The following ARHGEF7 variants were observed in gnomAD, a reference collection of about 807,000 sequenced individuals.
ARHGEF7 encodes the protein Rho guanine nucleotide exchange factor 7, also known as PAK-interacting exchange factor beta.
ARHGEF7 carries 33 observed loss-of-function variants against 109.8 expected under a neutral mutation model. The ratio of observed to expected loss-of-function variants is 0.30; its 90% confidence interval spans 0.23 to 0.40. ARHGEF7 has a LOEUF of 0.40. ARHGEF7 is among the 10% of genes least tolerant of loss of function. The pLI, the probability that ARHGEF7 is intolerant of heterozygous loss-of-function variation, is 1.00. For synonymous variants in ARHGEF7, 458 were observed against 424.6 expected (o/e 1.08, Z -0.97); for missense variants, 938 against 1,098.5 (o/e 0.85, Z 2.07).
Position 111,300,862 on chromosome 13 carries a change from G to C in ARHGEF7, c.2411+15G>C, listed in dbSNP as rs567439882. The C allele has an allele frequency of 1.3e-6, 2 of 1,546,292 alleles. No individual in the cohort carries two copies. Among genetic ancestry groups the C allele is most frequent in the Admixed American group, 3.4e-5 (2 of 58,100 alleles). On this transcript the variant is annotated intron_variant, in intron 20 of 21. Transcript: ENST00000646102. ...ATAGAAGAAAAGTAAGATGTCTTCC[G>C]GTATTCTAAAGCAGATGTTTGACCT...
chr13:111,251,940 C>CT (rs377311988), intron 8 of ARHGEF7, among the ~76,000 whole-genome samples: 2 of 152,182 alleles, frequency 1.3e-5, no homozygotes, highest in East Asian at 3.8e-4. Context: ...GCTTATATGA[C>CT]TTTTTCCAAG....
chr13:111,241,413 T>G, intron 6 of ARHGEF7: 1 of 1,473,560 alleles, frequency 6.8e-7, no homozygotes. Context: ...GCACCCCAGC[T>G]GGAGTCAGGG....
chr13:111,121,092 CAG>C (rs1356093887), intron 1 of ARHGEF7, among the ~76,000 whole-genome samples: 1 of 152,166 alleles, frequency 6.6e-6, no homozygotes, highest in Non-Finnish European at 1.5e-5. Flanking sequence ...TCACCGGCCA[CAG>C]GGGCAGAGTG....
intron 2 of ARHGEF7, chr13:111,159,216 C>T (rs2076566900): frequency 3.2e-6 from 2 of 621,306 alleles, no homozygotes; most frequent in Admixed American, 2.7e-5. Flanking sequence ...AACAGGATTT[C>T]CTTTTTTTAA....
chr13:111,211,548 A>G (rs1322515135), intron 4 of ARHGEF7, among the ~76,000 whole-genome samples: 2 of 152,226 alleles, frequency 1.3e-5, no homozygotes, highest in African/African-American at 2.4e-5. Flanking sequence ...TCGTTATACT[A>G]GAAATAGACT....
At chr13:111,165,218 G>A (rs2077033422) in intron 2 of ARHGEF7, among the ~76,000 whole-genome samples, 1 of 152,198 alleles carries the variant, frequency 6.6e-6, no homozygotes, top group African/African-American at 2.4e-5. Context: ...AGTCAGTGAT[G>A]CAGCTACTTT....
intron 8 of ARHGEF7, among the ~76,000 whole-genome samples, chr13:111,249,611 T>C (rs979874582): frequency 1.3e-5 from 2 of 152,164 alleles, no homozygotes; most frequent in African/African-American, 4.8e-5. Context: ...GGGTGATTTC[T>C]GCTCTTGTCC....
At position 111,272,613 on chromosome 13, in the gene ARHGEF7, C is replaced by T. The variant is rs185251984; in HGVS notation, c.1074-1201C>T. 3.2e-4 allele frequency among the ~76,000 whole-genome samples: 49 copies of T among 152,272 alleles called. No homozygotes were observed. The highest frequency in any genetic ancestry group is 2.7e-3 in the Admixed American group (42 of 15,302). ...AGCTCTGCTGACTAGAGACCCCTAT[C>T]TTCTAGGATGGGGCGTGGTGATGGG... On this transcript the variant is annotated intron_variant, in intron 9 of 21. Coordinates refer to ENST00000646102, the MANE Select transcript of ARHGEF7 (RefSeq NM_001354046.2). This position sits in a 1 kb window ranked among gnomAD's most constrained non-coding sequence, Gnocchi z 5.2.
chr13:111,142,888 G>C (rs192968787), intron 1 of ARHGEF7, among the ~76,000 whole-genome samples: 11 of 152,314 alleles, frequency 7.2e-5, no homozygotes, highest in Non-Finnish European at 1.3e-4. Context: ...TCTTCTCTTA[G>C]GTGGCTCTGA....
intron 2 of ARHGEF7, among the ~76,000 whole-genome samples, chr13:111,160,967 A>T (rs1472934478): frequency 6.6e-6 from 1 of 152,198 alleles, no homozygotes; most frequent in African/African-American, 2.4e-5. Flanking sequence ...ACGTGGACTA[A>T]TGTACATGCC....
intron 3 of ARHGEF7, chr13:111,209,255 C>G (rs2082225531): frequency 6.6e-6 from 1 of 151,960 alleles, no homozygotes; most frequent in Non-Finnish European, 1.5e-5. Flanking sequence ...TGTTGGATGG[C>G]CTGTGTGGAG....
intron 9 of ARHGEF7, among the ~76,000 whole-genome samples, chr13:111,271,391 G>A (rs999669157): frequency 2.0e-5 from 3 of 152,184 alleles, no homozygotes; most frequent in African/African-American, 7.2e-5. Flanking sequence ...ACGTGTGCGT[G>A]TTTAGAAATG....
At chr13:111,217,509 G>C (rs895591806) in intron 4 of ARHGEF7, among the ~76,000 whole-genome samples, 170 bp from the exon 5 acceptor site, 2 of 152,216 alleles carry the variant, frequency 1.3e-5, no homozygotes. Flanking sequence ...GGCTGGAGTG[G>C]TGCTGGTGGT....
intron 2 of ARHGEF7, among the ~76,000 whole-genome samples, chr13:111,157,148 AT>A (rs1220158069): frequency 6.6e-6 from 1 of 152,186 alleles, no homozygotes; most frequent in Non-Finnish European, 1.5e-5. Context: ...AGTCGCATTT[AT>A]TGGTAAACTT....
rs973776086 is a variant in ARHGEF7 at position 111,255,588 on chromosome 13, T to C, written c.950+11294T>C. Among the ~76,000 whole-genome samples, 3 of 152,246 alleles carry C rather than the reference T, an allele frequency of 2.0e-5. No homozygotes were observed. Among genetic ancestry groups the C allele is most frequent in the Admixed American group, 1.3e-4 (2 of 15,290 alleles). ...CTGCCAGGGCCCTCCCTGTGCACCA[T>C]TTATAACTTCAGTTGTGAAAATGTA... On this transcript the variant is annotated intron_variant, in intron 8 of 21. Transcript: ENST00000646102. The surrounding 1 kb of genome is among the most constrained non-coding windows in gnomAD (Gnocchi z 4.1).
intron 2 of ARHGEF7, among the ~76,000 whole-genome samples, chr13:111,193,934 C>G (rs1464920069): frequency 1.3e-5 from 2 of 152,182 alleles, no homozygotes; most frequent in Admixed American, 6.5e-5. Flanking sequence ...AGCACTGGTC[C>G]CTCAAGGAGT....
chr13:111,135,474 G>A (rs112730059), intron 1 of ARHGEF7, among the ~76,000 whole-genome samples: 7 of 152,130 alleles, frequency 4.6e-5, no homozygotes, highest in East Asian at 3.9e-4. Context: ...CTTTTATTTC[G>A]TTGAGCAGTG....
At chr13:111,293,213 C>T (rs2093342839) in intron 19 of ARHGEF7, 1 of 985,304 alleles carries the variant, frequency 1.0e-6, no homozygotes, top group African/African-American at 1.7e-5. Flanking sequence ...ATTTGGAATA[C>T]TTACAAAGTC....
rs984723870 is a variant in ARHGEF7, at chr13:111,304,914, A to C, written c.*1801A>C. On this transcript the variant is annotated 3_prime_UTR_variant, in exon 22 of 22. Coordinates refer to ENST00000646102, the MANE Select transcript of ARHGEF7 (RefSeq NM_001354046.2). ...TTTTTGGTGATGCGTAAGACATTGC[A>C]GTGGGAAACCATTCAACTTGAGTTT... 1.3e-5 allele frequency: 2 copies of C among 152,268 alleles called. No homozygotes were observed. Among genetic ancestry groups the C allele is most frequent in the Non-Finnish European group, 2.9e-5 (2 of 68,052 alleles). The allele number at this position is 152,268 out of a possible 1,614,324, so 9.4% of individuals were successfully genotyped here.
Sources: gnomAD v4.1 joint callset for allele counts (sites outside exome capture counted in the v4.1 genomes callset) on GRCh38, gnomAD v4.1.1 for gene constraint, Gnocchi (gnomAD v3.1) non-coding constraint, MANE v1.5 for transcripts, NCBI Gene and HGNC (gene_info 2026-07-23, HGNC 2026-07-21) for gene names.